Variants in GALNT13 observed in about 807,000 individuals in gnomAD.
The protein encoded by GALNT13 is UDP-GalNAc:polypeptide N-acetylgalactosaminyltransferase 13.
In GALNT13, 28 loss-of-function variants were observed where a neutral mutation model predicts 64.2. The observed-to-expected ratio is 0.44, with a 90% CI of 0.32 to 0.60. The LOEUF is 0.60. GALNT13 is among the 20% of genes least tolerant of loss of function. The pLI, the probability that GALNT13 is intolerant of heterozygous loss-of-function variation, is 0.05. For missense variants in GALNT13, 577 were observed against 669.8 expected (o/e 0.86, Z 1.53); for synonymous variants, 214 against 224.6 (o/e 0.95, Z 0.42).
the GALNT13 span, among the ~76,000 whole-genome samples, chr2:153,109,888 T>G: frequency 2.0e-5 from 3 of 152,110 alleles, no homozygotes; most frequent in Non-Finnish European, 4.4e-5. Context: ...CTTGAAATAT[T>G]AAACTATAAA....
chr2:153,413,544 AT>A, the GALNT13 span, among the ~76,000 whole-genome samples: 6,473 of 152,298 alleles, frequency 0.043, 157 homozygotes, highest in Middle Eastern at 0.065. Context: ...TTTCCAGACA[AT>A]AAATTCCTTT....
chr2:153,463,464 T>G, the GALNT13 span, among the ~76,000 whole-genome samples: 1 of 152,076 alleles, frequency 6.6e-6, no homozygotes, highest in Non-Finnish European at 1.5e-5. Flanking sequence ...GTTGACTAAA[T>G]AGATGTATCT....
intron 3 of GALNT13, among the ~76,000 whole-genome samples, chr2:154,106,152 G>C (rs1354869889): frequency 6.6e-6 from 1 of 152,026 alleles, no homozygotes; most frequent in Non-Finnish European, 1.5e-5. Flanking sequence ...TATTCTTTTA[G>C]CATGGTATTT....
chr2:154,146,310 T>G (rs1415858041), intron 4 of GALNT13, among the ~76,000 whole-genome samples: 2 of 151,972 alleles, frequency 1.3e-5, no homozygotes, highest in African/African-American at 4.8e-5. Flanking sequence ...AGGCATGTTC[T>G]CAGAGACACA....
chr2:154,394,672 G>A (rs1698974661), intron 9 of GALNT13, among the ~76,000 whole-genome samples: 1 of 152,124 alleles, frequency 6.6e-6, no homozygotes, highest in Admixed American at 6.5e-5. Context: ...ATACTAAATT[G>A]TTTTGAGCTT....
At chr2:153,291,209 G>C in the GALNT13 span, among the ~76,000 whole-genome samples, 1 of 152,134 alleles carries the variant, frequency 6.6e-6, no homozygotes, top group East Asian at 1.9e-4. Context: ...AGATATGCCA[G>C]TTGGGTACTA....
intron 12 of GALNT13, among the ~76,000 whole-genome samples, chr2:154,449,007 A>G (rs1452595176): frequency 6.6e-6 from 1 of 152,028 alleles, no homozygotes; most frequent in African/African-American, 2.4e-5. Context: ...TCTAGAAAAA[A>G]TACATATTGT....
intron 3 of GALNT13, among the ~76,000 whole-genome samples, chr2:154,077,493 G>C (rs1190185471): frequency 6.6e-6 from 1 of 151,400 alleles, no homozygotes; most frequent in African/African-American, 2.4e-5. Context: ...GCCCTTATTT[G>C]TGAGTAAAGG....
the GALNT13 span, among the ~76,000 whole-genome samples, chr2:153,122,005 A>T: frequency 6.6e-5 from 10 of 152,172 alleles, no homozygotes; most frequent in Admixed American, 3.9e-4. Flanking sequence ...ATTTCACATT[A>T]TAAGCATTTT....
the GALNT13 span, among the ~76,000 whole-genome samples, chr2:153,660,846 A>T: frequency 1.3e-5 from 2 of 152,078 alleles, no homozygotes; most frequent in African/African-American, 4.8e-5. Flanking sequence ...GTCAGATGTG[A>T]TATAGTCACA....
At chr2:153,674,353 T>C in the GALNT13 span, among the ~76,000 whole-genome samples, 1 of 151,854 alleles carries the variant, frequency 6.6e-6, no homozygotes, top group South Asian at 2.1e-4. Context: ...CCAAAACAGA[T>C]ATATAGACCA....
chr2:153,840,628 T>A, the GALNT13 span, among the ~76,000 whole-genome samples: 1 of 152,086 alleles, frequency 6.6e-6, no homozygotes, highest in African/African-American at 2.4e-5. Flanking sequence ...AGGCAGAGCA[T>A]AAGTAAACCA....
At chr2:153,506,487 G>A in the GALNT13 span, among the ~76,000 whole-genome samples, 2 of 152,052 alleles carry the variant, frequency 1.3e-5, no homozygotes. Context: ...TCCAGGATTT[G>A]TTTCAATATT....
At chr2:154,246,011 T>C (rs1334143856) in intron 7 of GALNT13, 29 bp downstream of exon 7, 6 of 1,484,772 alleles carry the variant, frequency 4.0e-6, no homozygotes, top group Non-Finnish European at 3.7e-6. Context: ...TTGAAGATTA[T>C]GTATATCCCC....
At chr2:153,670,232 T>C in the GALNT13 span, among the ~76,000 whole-genome samples, 2 of 152,104 alleles carry the variant, frequency 1.3e-5, no homozygotes, top group Non-Finnish European at 2.9e-5. Flanking sequence ...ATGGACAGAG[T>C]GCCTCCTCAA....
chr2:153,490,261 A>G, the GALNT13 span, among the ~76,000 whole-genome samples: 2 of 152,186 alleles, frequency 1.3e-5, no homozygotes, highest in African/African-American at 4.8e-5. Context: ...TAAAAACTTT[A>G]ATGTTTTGGA....
At chr2:154,187,743 G>C (rs888853919) in intron 4 of GALNT13, among the ~76,000 whole-genome samples, 5 of 152,074 alleles carry the variant, frequency 3.3e-5, no homozygotes, top group Non-Finnish European at 7.4e-5. Context: ...ATGGGGAAAA[G>C]AAAGGCAACT....
chr2:153,405,984 A>C, the GALNT13 span, among the ~76,000 whole-genome samples: 1 of 152,192 alleles, frequency 6.6e-6, no homozygotes, highest in African/African-American at 2.4e-5. Context: ...CAGGTGAGCT[A>C]AACAAGCAAA....
At chr2:154,054,161 A>G (rs1303883272) in intron 3 of GALNT13, among the ~76,000 whole-genome samples, 1 of 151,960 alleles carries the variant, frequency 6.6e-6, no homozygotes, top group African/African-American at 2.4e-5. Flanking sequence ...TTTTGAGTCT[A>G]TATTATGCTG....
Sources: allele counts gnomAD v4.1 joint callset (sites outside exome capture counted in the v4.1 genomes callset), GRCh38; gene constraint gnomAD v4.1.1; transcripts MANE v1.5; gene names NCBI Gene and HGNC (gene_info 2026-07-23, HGNC 2026-07-21).